TXNDC2: variants seen among roughly 807,000 people sequenced by gnomAD.
The protein encoded by TXNDC2 is thioredoxin domain containing 2, also known as thioredoxin domain-containing protein 2.
In TXNDC2, 1 loss-of-function variant was observed where a neutral mutation model predicts 0.4. The ratio of observed to expected loss-of-function variants is 2.30; its 90% CI spans 0.82 to 10.89. TXNDC2 has a LOEUF of 10.89. Ranked by LOEUF, TXNDC2 falls within the 30% of genes most tolerant of loss-of-function variation. The probability of loss-of-function intolerance (pLI) is 0.12; values close to 1 mark genes in which losing one functional copy is unlikely to be tolerated. For synonymous variants in TXNDC2, 183 were observed against 224.6 expected, an observed-to-expected ratio of 0.81 and a Z score of 1.66; for missense variants, 509 against 579.8, an observed-to-expected ratio of 0.88 and a Z score of 1.25.
At position 9,887,909 on chromosome 18, in the gene TXNDC2, C is replaced by T. The variant is rs2068971477; in HGVS notation, c.1229C>T (p.Ala410Val). Reference protein sequence around the residue: ...GERLVAVDFSATWCGPCRTIR... With the variant: ...GERLVAVDFSVTWCGPCRTIR... ...AGGCTGGTGGCTGTGGACTTCTCGG[C>T]CACGTGGTGTGGGCCCTGCAGGACC... Residue 410 changes from alanine to valine, a missense_variant, in exon 2 of 2, where the codon GCC (alanine) becomes GTC (valine). Physicochemically the swap from Ala to Val is moderately conservative, Grantham distance 64. Transcript: ENST00000357775. The T allele has an allele frequency of 2.5e-6, 4 of 1,613,406 alleles. No individual in the cohort carries two copies. The African/African-American group carries it at 4.0e-5, about 16-fold the overall frequency.
At position 9,886,920 on chromosome 18, in the gene TXNDC2, T is replaced by G. The variant is rs750811619; in HGVS notation, c.240T>G (p.Ser80Arg). The change falls in exon 2 of 2, where the codon AGT becomes AGG. Residue 80 changes from serine (S) to arginine (R), a missense_variant. Transcript: ENST00000357775. ...SSEKAIQPKE[S>R]NIPKSSAKPI... The stretch of plus-strand genomic sequence containing the variant: ...AAAAAGCCATCCAGCCCAAAGAGAG[T>G]AACATCCCCAAGTCCTCAGCAAAAC... 1 of 1,605,234 alleles carries G rather than the reference T, an allele frequency of 6.2e-7. No individual in the cohort carries two copies. The highest frequency in any genetic ancestry group is 8.5e-7 in the Non-Finnish European group (1 of 1,175,864).
At position 9,887,196 on chromosome 18, in the gene TXNDC2, C is replaced by A. The variant is rs561213273; in HGVS notation, c.516C>A (p.Ile172=). The A allele has an allele frequency of 5.6e-5, 89 of 1,593,872 alleles. No homozygotes were observed. The South Asian group carries it at 7.6e-4, about 14-fold the overall frequency. ...CCAGCCAGCCCAAGGAGAGTGATAT[C>A]CCCAAGTCCCCAGAAGAAACCATCC... is the stretch of plus-strand genomic sequence containing the variant. ...VKPSQPKESD[I]PKSPEETIQP... Residue 172 remains isoleucine (I), a synonymous_variant, in exon 2 of 2, where the codon ATC becomes ATA. Transcript: ENST00000357775.
chr18:9,887,318 A>T lies in TXNDC2; in HGVS notation c.638A>T (p.Lys213Met), dbSNP rs1458362876. Reference sequence around the variant, plus strand: ...GCCTCAGTGAAGCCCAGCCAGCCCAAGGAGGGTGACATCTCCAAGTCCCCA... The same window carrying T: ...GCCTCAGTGAAGCCCAGCCAGCCCATGGAGGGTGACATCTCCAAGTCCCCA... Reference protein sequence around the residue: ...PKASVKPSQPKEGDISKSPEE... With the variant: ...PKASVKPSQPMEGDISKSPEE... Residue 213 changes from lysine to methionine, a missense_variant, in exon 2 of 2, where the codon AAG becomes ATG. Physicochemically the swap from Lys to Met is moderately conservative, Grantham distance 95. This residue lies in a region of TXNDC2 where 65 missense variants were observed against 46.0 expected (regional missense o/e 1.41). Coordinates refer to ENST00000357775, the MANE Select transcript of TXNDC2 (RefSeq NM_032243.6). 2 of 1,594,766 alleles carry T rather than the reference A, an allele frequency of 1.3e-6. No homozygotes were observed. Among genetic ancestry groups the T allele is most frequent in the Non-Finnish European group, 1.7e-6 (2 of 1,170,028 alleles).
chr18:9,886,584 T>C lies in TXNDC2; in HGVS notation c.-92-5T>C, dbSNP rs996203808. 5.8e-6 allele frequency: 9 copies of C among 1,551,794 alleles called. No individual in the cohort carries two copies. Among genetic ancestry groups the C allele is most frequent in the African/African-American group, 4.2e-5 (3 of 71,870 alleles). ...TTTTATTTTATTTTATGTTTTTTGG[T>C]ACAGAAAGCTCATTACTAGTCCTGT... On this transcript the variant is annotated splice_polypyrimidine_tract_variant and splice_region_variant and intron_variant, in intron 1 of 1. Coordinates refer to ENST00000357775, the MANE Select transcript of TXNDC2 (RefSeq NM_032243.6).
rs766424738 is a variant in TXNDC2 at position 9,887,866 on chromosome 18, C to T, written c.1186C>T (p.Leu396=). The change falls in exon 2 of 2, where the codon CTG becomes TTG. Residue 396 remains leucine, a synonymous_variant. Coordinates refer to ENST00000357775, the MANE Select transcript of TXNDC2 (RefSeq NM_032243.6). Reference sequence around the variant, plus strand: ...GAGCAAGGAGGACTTTGAGGCATCACTGAAGGAGGCCGGGGAGAGGCTGGT... The same window carrying T: ...GAGCAAGGAGGACTTTGAGGCATCATTGAAGGAGGCCGGGGAGAGGCTGGT... ...ILSKEDFEAS[L]KEAGERLVAV... is the part of the protein sequence containing the mutation. 1.9e-6 allele frequency: 3 copies of T among 1,611,038 alleles called. No individual in the cohort carries two copies. Among genetic ancestry groups the T allele is most frequent in the Middle Eastern group, 3.3e-4 (2 of 6,054 alleles).
In TXNDC2 at chr18:9,887,416, G is replaced by A; in HGVS notation, c.736G>A (p.Asp246Asn). 10 of 1,029,650 alleles carry A rather than the reference G, an allele frequency of 9.7e-6. No individual in the cohort carries two copies. Among genetic ancestry groups the A allele is most frequent in the Non-Finnish European group, 1.2e-5 (9 of 743,802 alleles). The allele number at this position is 1,029,650 out of a possible 1,614,324, so 63.8% of individuals were successfully genotyped here. A position where few individuals can be genotyped will look rare whatever the true frequency, so the allele number is the denominator to read the frequency against. Reference protein sequence around the residue: ...LEEAIQPKEGDIPKSPEEAIQ... With the variant: ...LEEAIQPKEGNIPKSPEEAIQ... Reference sequence around the variant, plus strand: ...GGAAGCCATCCAGCCCAAGGAGGGTGACATCCCCAAGTCCCCAGAAGAAGC... The same window carrying A: ...GGAAGCCATCCAGCCCAAGGAGGGTAACATCCCCAAGTCCCCAGAAGAAGC... Residue 246 changes from aspartate to asparagine, a missense_variant, in exon 2 of 2, where the codon GAC becomes AAC. Transcript: ENST00000357775.
intron 1 of TXNDC2, 173 bp downstream of exon 1, chr18:9,886,253 C>T (rs899728560): frequency 6.2e-7 from 1 of 1,613,890 alleles, no homozygotes. Flanking sequence ...GCTGGGCACT[C>T]AGGAAGAAAC....
chr18:9,886,607 T>G lies in TXNDC2; in HGVS notation c.-74T>G, dbSNP rs1567882091. 6.2e-7 allele frequency: 1 copy of G among 1,610,176 alleles called. No homozygotes were observed. Among genetic ancestry groups the G allele is most frequent in the East Asian group, 2.2e-5 (1 of 44,844 alleles). ...GGTACAGAAAGCTCATTACTAGTCCTGTCCAGCAACGTGCCTCTCCTGGCC... is the reference window on the plus strand; with the variant it reads ...GGTACAGAAAGCTCATTACTAGTCCGGTCCAGCAACGTGCCTCTCCTGGCC... On this transcript the variant is annotated 5_prime_UTR_variant, in exon 2 of 2. Coordinates refer to ENST00000357775, the MANE Select transcript of TXNDC2 (RefSeq NM_032243.6).
chr18:9,888,253 T>G lies in TXNDC2; in HGVS notation c.*112T>G. The G allele has an allele frequency of 2.5e-6, 2 of 797,756 alleles. No individual in the cohort carries two copies. The highest frequency in any genetic ancestry group is 3.9e-6 in the Non-Finnish European group (2 of 515,914). 49.4% of individuals were successfully genotyped at this position (797,756 alleles called of 1,614,324 possible). On this transcript the variant is annotated 3_prime_UTR_variant, in exon 2 of 2. Coordinates refer to ENST00000357775, the MANE Select transcript of TXNDC2 (RefSeq NM_032243.6). ...ACAAAAGTGTATGTCCAAATGGCACTGCTTGTACATGATAATATTAACTCT... is the reference window on the plus strand; with the variant it reads ...ACAAAAGTGTATGTCCAAATGGCACGGCTTGTACATGATAATATTAACTCT...
In TXNDC2 at chr18:9,886,651, G is replaced by C. The variant is rs773075911; in HGVS notation, c.-30G>C. 2.5e-6 allele frequency: 4 copies of C among 1,614,034 alleles called. No individual in the cohort carries two copies. The South Asian group carries it at 4.4e-5, about 18-fold the overall frequency. ...CCTGGCCCTAGAGTTCTTGGAAATA[G>C]CCCAGGCCAAAGAGAAGGCCTTTCT... On this transcript the variant is annotated 5_prime_UTR_variant, in exon 2 of 2. Transcript: ENST00000357775.
At position 9,886,706 on chromosome 18, in the gene TXNDC2, G is replaced by T; in HGVS notation, c.26G>T (p.Arg9Leu). MVSHTFHM[R>L]TEESDASQEG... ...ATGGTCAGCCACACGTTCCACATGC[G>T]CACAGAGGAGTCTGATGCCTCACAG... Residue 9 changes from arginine (R) to leucine (L), a missense_variant, in exon 2 of 2, where the codon CGC (arginine) becomes CTC (leucine). Arg to Leu is a moderately radical substitution (Grantham distance 102). Coordinates refer to ENST00000357775, the MANE Select transcript of TXNDC2 (RefSeq NM_032243.6). 1.2e-6 allele frequency: 2 copies of T among 1,614,022 alleles called. No homozygotes were observed. The highest frequency in any genetic ancestry group is 1.7e-6 in the Non-Finnish European group (2 of 1,180,010).
At position 9,886,127 on chromosome 18, in the gene TXNDC2, A is replaced by T. The variant is rs772696295; in HGVS notation, c.-93+47A>T. The T allele has an allele frequency of 5.0e-5, 75 of 1,506,464 alleles. No homozygotes were observed. In the East Asian group the frequency reaches 1.6e-3, roughly 33 times the overall value. The allele number at this position is 1,506,464 out of a possible 1,614,324, so 93.3% of individuals were successfully genotyped here. The stretch of plus-strand genomic sequence containing the variant: ...ATGTTAGGATGGATAGCTTGGAAAA[A>T]GTTGGAGGGTACGGCCTTTACTATG... On this transcript the variant is annotated intron_variant, in intron 1 of 1. Transcript: ENST00000357775.
chr18:9,887,066 A>C lies in TXNDC2; in HGVS notation c.386A>C (p.Lys129Thr). The C allele has an allele frequency of 6.2e-7, 1 of 1,608,834 alleles. No individual in the cohort carries two copies. The change falls in exon 2 of 2, where the codon AAG becomes ACG. Residue 129 changes from lysine to threonine, a missense_variant. Physicochemically the swap from Lys to Thr is moderately conservative, Grantham distance 78 (BLOSUM62 -1). Coordinates refer to ENST00000357775, the MANE Select transcript of TXNDC2 (RefSeq NM_032243.6). The stretch of plus-strand genomic sequence containing the variant: ...CAATCCAAGAAGGAGGACCTCCCCA[A>C]GTCCTCAGAAGAAGCCATCCAGCCC... Reference protein sequence around the residue: ...TIQSKKEDLPKSSEEAIQPKE... With the variant: ...TIQSKKEDLPTSSEEAIQPKE...
rs1194880261 is a variant in TXNDC2, at chr18:9,888,262, AT to A, written c.*122del. The A allele has an allele frequency of 1.3e-6, 1 of 759,614 alleles. No homozygotes were observed. 47.1% of individuals were successfully genotyped at this position (759,614 alleles called of 1,614,324 possible). ...TATGTCCAAATGGCACTGCTTGTACATGATAATATTAACTCTACCCTTTTCA... is the reference window on the plus strand; with the variant it reads ...TATGTCCAAATGGCACTGCTTGTACAGATAATATTAACTCTACCCTTTTCA... On this transcript the variant is annotated 3_prime_UTR_variant, in exon 2 of 2. Coordinates refer to ENST00000357775, the MANE Select transcript of TXNDC2 (RefSeq NM_032243.6).
At position 9,885,982 on chromosome 18, in the gene TXNDC2, G is replaced by A. The variant is rs530381117; in HGVS notation, c.-191G>A. 18 of 529,444 alleles carry A rather than the reference G, an allele frequency of 3.4e-5. No homozygotes were observed. The highest frequency in any genetic ancestry group is 4.8e-5 in the Non-Finnish European group (14 of 290,228). 32.8% of individuals were successfully genotyped at this position (529,444 alleles called of 1,614,324 possible). ...TCTAGGAAATGATGCCAGTGAATGC[G>A]TAGTCCCAGCCTCAGCACAGGGGAG... On this transcript the variant is annotated 5_prime_UTR_variant, in exon 1 of 2. Transcript: ENST00000357775.
rs934582506 is a variant in TXNDC2 at position 9,888,310 on chromosome 18, G to A, written c.*169G>A. On this transcript the variant is annotated 3_prime_UTR_variant, in exon 2 of 2. Coordinates refer to ENST00000357775, the MANE Select transcript of TXNDC2 (RefSeq NM_032243.6). ...TTCAAAAAACAGTCCAAGCATTAAAGTACATTGCGACTGTGTTTCTGTTAG... is the reference window on the plus strand; with the variant it reads ...TTCAAAAAACAGTCCAAGCATTAAAATACATTGCGACTGTGTTTCTGTTAG... The A allele has an allele frequency of 6.9e-5, 40 of 576,736 alleles. No homozygotes were observed. The highest frequency in any genetic ancestry group is 6.3e-4 in the African/African-American group (34 of 54,056). The allele number at this position is 576,736 out of a possible 1,614,324, so 35.7% of individuals were successfully genotyped here.
In TXNDC2 at chr18:9,888,250, C is replaced by A; in HGVS notation, c.*109C>A. On this transcript the variant is annotated 3_prime_UTR_variant, in exon 2 of 2. Coordinates refer to ENST00000357775, the MANE Select transcript of TXNDC2 (RefSeq NM_032243.6). ...ATAACAAAAGTGTATGTCCAAATGG[C>A]ACTGCTTGTACATGATAATATTAAC... is the stretch of plus-strand genomic sequence containing the variant. 1.2e-6 allele frequency: 1 copy of A among 847,238 alleles called. No individual in the cohort carries two copies. Among genetic ancestry groups the A allele is most frequent in the Non-Finnish European group, 1.8e-6 (1 of 559,064 alleles). The allele number at this position is 847,238 out of a possible 1,614,324, so 52.5% of individuals were successfully genotyped here.
rs2081875467 is a variant in TXNDC2, at chr18:9,887,896, G to A, written c.1216G>A (p.Val406Met). 1 of 1,612,964 alleles carries A rather than the reference G, an allele frequency of 6.2e-7. No individual in the cohort carries two copies. The highest frequency in any genetic ancestry group is 1.1e-5 in the South Asian group (1 of 91,060). Reference sequence around the variant, plus strand: ...GGAGGCCGGGGAGAGGCTGGTGGCTGTGGACTTCTCGGCCACGTGGTGTGG... The same window carrying A: ...GGAGGCCGGGGAGAGGCTGGTGGCTATGGACTTCTCGGCCACGTGGTGTGG... The part of the protein sequence containing the change: ...LKEAGERLVA[V>M]DFSATWCGPC... The change falls in exon 2 of 2, where the codon GTG becomes ATG. Residue 406 changes from valine (V) to methionine (M), a missense_variant. By Grantham distance (21) the Val-to-Met change is conservative (BLOSUM62 1). Transcript: ENST00000357775.
chr18:9,886,297 G>A lies in TXNDC2; in HGVS notation c.-93+217G>A, dbSNP rs1159447188. 3 of 1,609,980 alleles carry A rather than the reference G, an allele frequency of 1.9e-6. No homozygotes were observed. The African/African-American group carries it at 4.0e-5, about 21-fold the overall frequency. On this transcript the variant is annotated intron_variant, in intron 1 of 1. Coordinates refer to ENST00000357775, the MANE Select transcript of TXNDC2 (RefSeq NM_032243.6). ...GTGATGCTAATGGTAAGTAGGGGAG[G>A]AAAGAGGGTTGCCTTAAAGACCTAT...
Sources: gnomAD v4.1 joint callset for allele counts on GRCh38, gnomAD v4.1.1 for gene constraint, gnomAD v4.1.1 regional missense constraint, MANE v1.5 for transcripts, NCBI Gene and HGNC (gene_info 2026-07-23, HGNC 2026-07-21) for gene names.